The following CHRM3 variants were observed in gnomAD, a reference collection of about 807,000 sequenced individuals.
CHRM3 encodes muscarinic acetylcholine receptor M3.
A neutral mutation model predicts 41.8 loss-of-function variants in CHRM3; 11 were observed. The ratio of observed to expected loss-of-function variants is 0.26; its 90% CI spans 0.17 to 0.44. CHRM3 has a LOEUF of 0.44. CHRM3 is among the 20% of genes least tolerant of loss of function. The pLI is 1.00. For synonymous variants in CHRM3, 297 were observed against 301.4 expected (o/e 0.99, Z 0.15); for missense variants, 571 against 745.4 (o/e 0.77, Z 2.72).
At chr1:239,635,607 T>C (rs1030925998) in intron 4 of CHRM3, among the ~76,000 whole-genome samples, 4 of 152,218 alleles carry the variant, frequency 2.6e-5, no homozygotes, top group Non-Finnish European at 4.4e-5. Context: ...GGAAGTTTTA[T>C]TTCTTAAGGC....
intron 2 of CHRM3, among the ~76,000 whole-genome samples, chr1:239,536,266 A>C (rs1658186494): frequency 6.6e-6 from 1 of 152,176 alleles, no homozygotes; most frequent in South Asian, 2.1e-4. Flanking sequence ...ATGTGACTTG[A>C]ATACCCTCCA....
At chr1:239,498,503 G>A (rs919715101) in intron 2 of CHRM3, among the ~76,000 whole-genome samples, 1 of 152,080 alleles carries the variant, frequency 6.6e-6, no homozygotes, top group Non-Finnish European at 1.5e-5. Context: ...TGTAATCTAA[G>A]CGTTCTCAAG....
intron 1 of CHRM3, among the ~76,000 whole-genome samples, chr1:239,428,822 A>G (rs926450143): frequency 6.6e-6 from 1 of 152,212 alleles, no homozygotes; most frequent in Non-Finnish European, 1.5e-5. Context: ...TATTTTAAAA[A>G]TATATTGTCT....
At chr1:239,641,786 G>A (rs1466263056) in intron 4 of CHRM3, among the ~76,000 whole-genome samples, 1 of 93,774 alleles carries the variant, frequency 1.1e-5, no homozygotes, top group African/African-American at 3.8e-5. Context: ...ATATTGTTAT[G>A]TGTGAATTTG....
At chr1:239,588,462 A>T (rs547956814) in intron 3 of CHRM3, among the ~76,000 whole-genome samples, 23 of 152,206 alleles carry the variant, frequency 1.5e-4, no homozygotes, top group Non-Finnish European at 2.5e-4. Flanking sequence ...ATGTATGGCC[A>T]TAATCAAGCT....
At chr1:239,714,556 G>A (rs1356892404) in intron 5 of CHRM3, among the ~76,000 whole-genome samples, 5 of 152,140 alleles carry the variant, frequency 3.3e-5, no homozygotes, top group African/African-American at 7.2e-5. Context: ...GGCACAGGAC[G>A]GGGAGGAGAC....
chr1:239,573,626 T>C (rs1662034878), intron 3 of CHRM3, among the ~76,000 whole-genome samples: 1 of 152,084 alleles, frequency 6.6e-6, no homozygotes, highest in South Asian at 2.1e-4. Flanking sequence ...TAGATTTCCA[T>C]AGACCATCCT....
At chr1:239,473,672 A>T (rs1666282837) in intron 1 of CHRM3, among the ~76,000 whole-genome samples, 1 of 152,172 alleles carries the variant, frequency 6.6e-6, no homozygotes, top group African/African-American at 2.4e-5. Flanking sequence ...GTGGCGCCTT[A>T]TTACTGTGGA....
intron 2 of CHRM3, among the ~76,000 whole-genome samples, chr1:239,517,887 C>A (rs918386736): frequency 6.6e-6 from 1 of 152,098 alleles, no homozygotes; most frequent in Admixed American, 6.6e-5. Flanking sequence ...GTGGGCAGAT[C>A]ATGAGGTCAG....
At chr1:239,517,601 T>C (rs9428475) in intron 2 of CHRM3, among the ~76,000 whole-genome samples, 77,524 of 152,048 alleles carry the variant, frequency 0.51, 20,047 homozygotes, top group Middle Eastern at 0.65. Context: ...TCATTATTGA[T>C]GGTAGCCAGG....
chr1:239,733,739 G>A (rs1011273388), intron 5 of CHRM3, among the ~76,000 whole-genome samples: 2 of 152,022 alleles, frequency 1.3e-5, no homozygotes, highest in East Asian at 1.9e-4. Flanking sequence ...GTTGCTTAAT[G>A]TATGGCTTCA....
intron 4 of CHRM3, among the ~76,000 whole-genome samples, chr1:239,645,049 A>C (rs1048047876): frequency 6.6e-6 from 1 of 152,180 alleles, no homozygotes; most frequent in African/African-American, 2.4e-5. Context: ...CTTGTCTGTG[A>C]TGGGCAGAGC....
intron 5 of CHRM3, among the ~76,000 whole-genome samples, chr1:239,773,924 G>A (rs1486850283): frequency 6.6e-6 from 1 of 151,922 alleles, no homozygotes; most frequent in African/African-American, 2.4e-5. Flanking sequence ...AGATTGGCAG[G>A]TAATTAGATT....
At chr1:239,535,358 C>T (rs1658092330) in intron 2 of CHRM3, among the ~76,000 whole-genome samples, 1 of 151,788 alleles carries the variant, frequency 6.6e-6, no homozygotes, top group African/African-American at 2.4e-5. Context: ...ATGTTGTCTT[C>T]TCTCTCCAAA....
At chr1:239,404,338 A>AAG (rs1660264057) in intron 1 of CHRM3, among the ~76,000 whole-genome samples, 1 of 143,820 alleles carries the variant, frequency 7.0e-6, no homozygotes, top group Non-Finnish European at 1.5e-5. Context: ...GGAAGGAAGA[A>AAG]AGAAAGAGAA....
At chr1:239,867,425 C>T (rs562460345) in intron 6 of CHRM3, among the ~76,000 whole-genome samples, 156 of 152,230 alleles carry the variant, frequency 1.0e-3, no homozygotes, top group Non-Finnish European at 1.9e-3. Flanking sequence ...CGGTGGCTCA[C>T]GCCTGTAATC....
intron 5 of CHRM3, among the ~76,000 whole-genome samples, chr1:239,694,363 A>AAAT (rs1317213768): frequency 6.6e-6 from 1 of 152,182 alleles, no homozygotes; most frequent in Non-Finnish European, 1.5e-5. Flanking sequence ...GGTTCTAGGG[A>AAAT]GCTCATCCAT....
At chr1:239,828,896 A>C (rs1199611342) in intron 6 of CHRM3, among the ~76,000 whole-genome samples, 1 of 152,190 alleles carries the variant, frequency 6.6e-6, no homozygotes, top group African/African-American at 2.4e-5. Context: ...AGAGACTTTC[A>C]GGAAATGGTC....
At chr1:239,794,817 T>C (rs1033377256) in intron 5 of CHRM3, among the ~76,000 whole-genome samples, 2 of 152,186 alleles carry the variant, frequency 1.3e-5, no homozygotes, top group Admixed American at 6.5e-5. Flanking sequence ...TTCTCTGTTC[T>C]GTTACTTATT....
Sources: gnomAD v4.1 joint callset for allele counts (sites outside exome capture counted in the v4.1 genomes callset) on GRCh38, gnomAD v4.1.1 for gene constraint, MANE v1.5 for transcripts, NCBI Gene and HGNC (gene_info 2026-07-23, HGNC 2026-07-21) for gene names.